EYS: variants seen among roughly 807,000 people sequenced by gnomAD.
EYS encodes the protein EGF-like photoreceptor maintenance factor.
EYS carries 250 observed loss-of-function variants against 282.1 expected under a neutral mutation model. The ratio of observed to expected loss-of-function variants is 0.89; its 90% CI spans 0.80 to 0.98. EYS has a LOEUF of 0.98. Among genes scored for constraint, EYS ranks in the 50% least tolerant of loss-of-function variants. EYS has a pLI of 0.00. For synonymous variants in EYS, 1,355 were observed against 1,282.9 expected, an observed-to-expected ratio of 1.06 and a Z score of -1.20; for missense variants, 4,016 against 3,709.0, an observed-to-expected ratio of 1.08 and a Z score of -2.15.
rs192568613 is a variant in EYS, at chr6:65,234,613, A to G, written c.2023+61250T>C. ...AACATCTCCTTTCTTACCAATCACT[A>G]CAGTTGATACTGGAAATGCCAAGAT... On this transcript the variant is annotated intron_variant, in intron 12 of 42. Transcript: ENST00000503581. 3.0e-3 allele frequency among the ~76,000 whole-genome samples: 455 copies of G among 152,324 alleles called. 2 individuals carry two copies. The highest frequency in any genetic ancestry group is 0.01 in the African/African-American group (431 of 41,576).
At chr6:65,391,979 A>G (rs1766055323) in intron 7 of EYS, among the ~76,000 whole-genome samples, 1 of 151,688 alleles carries the variant, frequency 6.6e-6, no homozygotes, top group Admixed American at 6.6e-5. Flanking sequence ...AGAGATATAG[A>G]TCAATGGAAC....
intron 36 of EYS, among the ~76,000 whole-genome samples, chr6:63,811,676 A>G (rs1203869296): frequency 2.0e-5 from 3 of 152,154 alleles, no homozygotes; most frequent in Non-Finnish European, 2.9e-5. Context: ...ATATATTTGT[A>G]TGTCTGATAA....
At chr6:63,757,502 G>A (rs1209628628) in intron 41 of EYS, among the ~76,000 whole-genome samples, 1 of 151,998 alleles carries the variant, frequency 6.6e-6, no homozygotes, top group East Asian at 1.9e-4. Flanking sequence ...CCTTTGCCTT[G>A]TGATCTTTAT....
intron 12 of EYS, among the ~76,000 whole-genome samples, chr6:65,270,474 C>A (rs1310282909): frequency 2.6e-5 from 4 of 152,120 alleles, no homozygotes; most frequent in Non-Finnish European, 5.9e-5. Context: ...AACGTGAAGT[C>A]CCCAACACCA....
At chr6:64,137,085 A>G (rs563609994) in intron 31 of EYS, among the ~76,000 whole-genome samples, 4 of 152,288 alleles carry the variant, frequency 2.6e-5, no homozygotes, top group Middle Eastern at 3.4e-3. Context: ...CAGCTTCTAC[A>G]TCATCACTTG....
intron 31 of EYS, among the ~76,000 whole-genome samples, chr6:64,207,550 A>G (rs1313076206): frequency 2.0e-5 from 3 of 152,168 alleles, no homozygotes; most frequent in Non-Finnish European, 2.9e-5. Context: ...TATCTGAAGG[A>G]TACTGCATGA....
At chr6:63,749,953 C>T (rs1252265122) in intron 41 of EYS, among the ~76,000 whole-genome samples, 1 of 152,192 alleles carries the variant, frequency 6.6e-6, no homozygotes, top group East Asian at 1.9e-4. Flanking sequence ...GTCTGGTTGG[C>T]CATCTTGCCC....
At chr6:65,665,397 T>C (rs1213637439) in intron 1 of EYS, among the ~76,000 whole-genome samples, 1 of 152,120 alleles carries the variant, frequency 6.6e-6, no homozygotes, top group African/African-American at 2.4e-5. Context: ...TGTTTCATAA[T>C]AGCAGTGACC....
At chr6:64,620,590 A>G (rs575869681) in intron 23 of EYS, among the ~76,000 whole-genome samples, 16 of 152,330 alleles carry the variant, frequency 1.1e-4, no homozygotes, top group South Asian at 6.2e-4. Context: ...AATCATACCC[A>G]TTAGTATGAA....
chr6:64,257,724 T>C (rs1325479212), intron 30 of EYS, among the ~76,000 whole-genome samples: 3 of 151,900 alleles, frequency 2.0e-5, no homozygotes, highest in Non-Finnish European at 4.4e-5. Flanking sequence ...GTCTAACAAG[T>C]ATCCAGGAAT....
intron 12 of EYS, among the ~76,000 whole-genome samples, chr6:65,065,431 G>A (rs1773716371): frequency 6.7e-6 from 1 of 148,658 alleles, no homozygotes; most frequent in African/African-American, 2.5e-5. Context: ...CTCCCAGGCT[G>A]GAGTGCAGTG....
intron 28 of EYS, among the ~76,000 whole-genome samples, chr6:64,389,967 C>A (rs1228244152): frequency 2.0e-5 from 3 of 150,740 alleles, no homozygotes; most frequent in Non-Finnish European, 3.0e-5. Context: ...TTGGGAAGTG[C>A]AAGGGGTCAG....
At chr6:65,659,175 A>T (rs1376320768) in intron 1 of EYS, among the ~76,000 whole-genome samples, 1 of 151,746 alleles carries the variant, frequency 6.6e-6, no homozygotes, top group Non-Finnish European at 1.5e-5. Context: ...GAAAGATAAA[A>T]GTATTGCAGA....
Position 64,872,049 on chromosome 6 carries a change from T to C in EYS, c.2992+14648A>G, listed in dbSNP as rs111544233. Among the ~76,000 whole-genome samples the C allele has an allele frequency of 2.5e-3, 374 of 152,164 alleles. 1 individual carries two copies. Among genetic ancestry groups the C allele is most frequent in the African/African-American group, 8.1e-3 (336 of 41,560 alleles). On this transcript the variant is annotated intron_variant, in intron 19 of 42. Transcript: ENST00000503581. ...GATATATTAAAGATGGAGAATCTTG[T>C]TTCTACTGTCCTCTGAAGTTATGGT...
chr6:64,341,824 C>G (rs1364709858), intron 29 of EYS, among the ~76,000 whole-genome samples: 4 of 151,552 alleles, frequency 2.6e-5, no homozygotes, highest in East Asian at 3.9e-4. Flanking sequence ...GTCTCCTTTC[C>G]ATAGAACTCA....
intron 29 of EYS, among the ~76,000 whole-genome samples, chr6:64,362,443 T>C (rs1051755834): frequency 1.3e-5 from 2 of 151,718 alleles, no homozygotes; most frequent in African/African-American, 4.8e-5. Context: ...TTTCCAAAAG[T>C]AGAGGTTGCT....
intron 29 of EYS, among the ~76,000 whole-genome samples, chr6:64,335,241 C>T (rs916991550): frequency 4.1e-5 from 6 of 147,966 alleles, no homozygotes; most frequent in African/African-American, 1.5e-4. Context: ...CAAAGTGTGA[C>T]TCCCCCCACC....
Position 63,922,892 on chromosome 6 carries a change from T to C in EYS, c.7056-58534A>G, listed in dbSNP as rs569566023. Among the ~76,000 whole-genome samples, 130 of 152,356 alleles carry C rather than the reference T, an allele frequency of 8.5e-4. 1 individual carries two copies. The highest frequency in any genetic ancestry group is 2.6e-3 in the Admixed American group (40 of 15,304). On this transcript the variant is annotated intron_variant, in intron 35 of 42. Coordinates refer to ENST00000503581, the MANE Select transcript of EYS (RefSeq NM_001142800.2). ...AAGGCACCCAGGATTGGGAGCCAGC[T>C]GACCTCATTTCTAGTCTTGCCTTGA...
intron 26 of EYS, among the ~76,000 whole-genome samples, chr6:64,535,151 C>T (rs1029236164): frequency 1.8e-4 from 28 of 152,096 alleles, no homozygotes; most frequent in Non-Finnish European, 3.5e-4. Flanking sequence ...CCTTTCTTTG[C>T]ACTCTAAACT....
Sources: allele counts gnomAD v4.1 joint callset (sites outside exome capture counted in the v4.1 genomes callset), GRCh38; gene constraint gnomAD v4.1.1; transcripts MANE v1.5; gene names NCBI Gene and HGNC (gene_info 2026-07-23, HGNC 2026-07-21).